DNAH8: variants seen among roughly 807,000 people sequenced by gnomAD.
DNAH8 encodes the protein dynein axonemal heavy chain 8.
Under a neutral mutation model 562.1 loss-of-function variants are expected in DNAH8, and 382 were observed. The observed-to-expected ratio is 0.68, with a 90% CI of 0.63 to 0.74. The LOEUF (loss-of-function observed/expected upper bound fraction) is 0.74. Ranked by LOEUF, DNAH8 falls within the 30% of genes least tolerant of loss-of-function variation. The pLI is 0.00. For missense variants in DNAH8, 5,203 were observed against 5,620.4 expected (o/e 0.93, Z 2.37); for synonymous variants, 1,881 against 1,919.4 (o/e 0.98, Z 0.52).
chr6:38,863,960 A>G lies in DNAH8; in HGVS notation c.6398A>G (p.Tyr2133Cys). Reference protein sequence around the residue: ...PVLSVAAQQIYIVLTARKERK... With the variant: ...PVLSVAAQQICIVLTARKERK... The stretch of plus-strand genomic sequence containing the variant: ...TTATCAGTGGCAGCACAACAAATTT[A>G]TATTGTTTTGACAGCAAGAAAAGAA... The change falls in exon 45 of 93, where the codon TAT becomes TGT. Residue 2133 changes from tyrosine to cysteine, a missense_variant. Tyr to Cys is a radical substitution (Grantham distance 194). This residue lies in a region of DNAH8 where 2,176 missense variants were observed against 2,365.1 expected (regional missense o/e 0.92). Coordinates refer to ENST00000327475, the MANE Select transcript of DNAH8 (RefSeq NM_001206927.2). 1 of 1,613,022 alleles carries G rather than the reference A, an allele frequency of 6.2e-7. No individual in the cohort carries two copies. The highest frequency in any genetic ancestry group is 1.6e-4 in the Middle Eastern group (1 of 6,062).
intron 45 of DNAH8, among the ~76,000 whole-genome samples, chr6:38,865,475 TA>T (rs1346295753): frequency 6.6e-6 from 1 of 151,950 alleles, no homozygotes; most frequent in Non-Finnish European, 1.5e-5. Context: ...AACTGAAACC[TA>T]AAAAAAATTG....
chr6:38,930,733 G>T (rs1407464534), intron 75 of DNAH8, among the ~76,000 whole-genome samples: 2 of 152,098 alleles, frequency 1.3e-5, no homozygotes, highest in African/African-American at 4.8e-5. Context: ...CACAGGTAAA[G>T]ATCGTATATA....
intron 86 of DNAH8, 32 bp from the exon 87 acceptor site, chr6:38,984,174 C>A: frequency 7.6e-7 from 1 of 1,310,280 alleles, no homozygotes; most frequent in Non-Finnish European, 1.1e-6. Flanking sequence ...TTTGGGTTGA[C>A]AATTAATAAT....
intron 73 of DNAH8, chr6:38,924,797 A>G (rs1322662970): frequency 6.6e-6 from 1 of 152,280 alleles, no homozygotes; most frequent in South Asian, 2.1e-4. Flanking sequence ...TGTAGGCATG[A>G]TCTGTGCTGG....
chr6:38,852,819 T>G (rs768000796), intron 40 of DNAH8, 21 bp downstream of exon 40: 2 of 1,574,972 alleles, frequency 1.3e-6, no homozygotes, highest in Non-Finnish European at 1.7e-6. Context: ...TTGCTTTAAA[T>G]TTTTTTATTA....
chr6:38,837,528 T>C (rs1774398060), intron 32 of DNAH8, among the ~76,000 whole-genome samples: 1 of 152,214 alleles, frequency 6.6e-6, no homozygotes, highest in Non-Finnish European at 1.5e-5. Context: ...CTTCATTGCA[T>C]GTACAGAAAA....
chr6:38,781,555 G>T (rs1211897851), intron 16 of DNAH8, among the ~76,000 whole-genome samples, 182 bp downstream of exon 16: 2 of 152,152 alleles, frequency 1.3e-5, no homozygotes, highest in African/African-American at 4.8e-5. Context: ...TTCAGGTTTA[G>T]TAGATAAGCC....
chr6:39,019,836 G>A (rs1333031503), intron 91 of DNAH8, among the ~76,000 whole-genome samples: 2 of 152,086 alleles, frequency 1.3e-5, no homozygotes, highest in East Asian at 3.8e-4. Context: ...ATGAGAGGAG[G>A]GACATGTGGC....
intron 88 of DNAH8, among the ~76,000 whole-genome samples, chr6:38,995,185 C>T (rs545182223): frequency 2.0e-5 from 3 of 151,888 alleles, no homozygotes; most frequent in South Asian, 4.2e-4. Flanking sequence ...CATGATTTTC[C>T]CCTAAACACC....
chr6:38,997,690 A>C (rs1336163033), intron 88 of DNAH8, among the ~76,000 whole-genome samples: 1 of 152,230 alleles, frequency 6.6e-6, no homozygotes, highest in Non-Finnish European at 1.5e-5. Flanking sequence ...GTCCCCAGCC[A>C]GAGGAATCAT....
chr6:38,838,559 C>T (rs566861836), intron 33 of DNAH8, among the ~76,000 whole-genome samples: 7 of 152,184 alleles, frequency 4.6e-5, no homozygotes, highest in Non-Finnish European at 8.8e-5. Flanking sequence ...CCACCATGGC[C>T]GGCTAATTTT....
At chr6:38,845,320 A>G (rs1045514394) in intron 35 of DNAH8, among the ~76,000 whole-genome samples, 1 of 152,188 alleles carries the variant, frequency 6.6e-6, no homozygotes, top group Non-Finnish European at 1.5e-5. Flanking sequence ...CTGAAAAATG[A>G]TGATTTAAGT....
chr6:38,736,978 A>G (rs921911862), intron 5 of DNAH8, 89 bp from the exon 6 acceptor site: 1 of 891,334 alleles, frequency 1.1e-6, no homozygotes, highest in African/African-American at 1.7e-5. Context: ...TTAGTTGTCT[A>G]TGTTTATTGC....
chr6:38,869,088 G>T (rs995997723), intron 48 of DNAH8, among the ~76,000 whole-genome samples: 9 of 152,256 alleles, frequency 5.9e-5, no homozygotes, highest in African/African-American at 2.2e-4. Context: ...AGAAGAAGTG[G>T]TTCAGGAAGC....
chr6:38,733,248 G>T (rs1763796935), intron 4 of DNAH8, among the ~76,000 whole-genome samples: 1 of 86,866 alleles, frequency 1.2e-5, no homozygotes, highest in African/African-American at 3.2e-5. Flanking sequence ...ATAGAAGGCT[G>T]TTGATTTTTG....
intron 21 of DNAH8, among the ~76,000 whole-genome samples, chr6:38,799,851 T>C (rs1770618604): frequency 6.6e-6 from 1 of 152,250 alleles, no homozygotes; most frequent in Admixed American, 6.5e-5. Flanking sequence ...ACAAATGGAA[T>C]CATACAATAT....
At chr6:38,966,157 A>G (rs924012992) in intron 82 of DNAH8, among the ~76,000 whole-genome samples, 17 of 152,196 alleles carry the variant, frequency 1.1e-4, no homozygotes, top group Non-Finnish European at 7.3e-5. Context: ...AAAATCAGCA[A>G]TGAAAGAGGG....
At chr6:38,856,088 T>C (rs918444154) in intron 41 of DNAH8, among the ~76,000 whole-genome samples, 5 of 152,174 alleles carry the variant, frequency 3.3e-5, no homozygotes, top group African/African-American at 7.2e-5. Context: ...TTGTGTCCTT[T>C]AGCAAATCCA....
intron 17 of DNAH8, among the ~76,000 whole-genome samples, chr6:38,785,277 G>C (rs1769039149): frequency 6.6e-6 from 1 of 152,092 alleles, no homozygotes; most frequent in South Asian, 2.1e-4. Flanking sequence ...AGTAATAATT[G>C]GATATGTAGC....
Sources: allele counts gnomAD v4.1 joint callset (sites outside exome capture counted in the v4.1 genomes callset), GRCh38; gene constraint gnomAD v4.1.1; regional missense constraint gnomAD v4.1.1; transcripts MANE v1.5; gene names NCBI Gene and HGNC (gene_info 2026-07-23, HGNC 2026-07-21).